Variants in CTNNA2 observed in about 807,000 individuals in gnomAD.
CTNNA2 encodes catenin alpha 2.
Under a neutral mutation model 101.0 loss-of-function variants are expected in CTNNA2, and 42 were observed. The ratio of observed to expected loss-of-function variants is 0.42; its 90% CI spans 0.32 to 0.54. The LOEUF (loss-of-function observed/expected upper bound fraction) is 0.54, where lower values mean the gene tolerates loss of function less well. CTNNA2 is among the 20% of genes least tolerant of loss of function. The pLI, the probability that CTNNA2 is intolerant of heterozygous loss-of-function variation, is 0.14. For synonymous variants in CTNNA2, 450 were observed against 456.4 expected (o/e 0.99, Z 0.18); for missense variants, 871 against 1,223.1 (o/e 0.71, Z 4.29).
chr2:80,201,129 T>C (rs1227200853), intron 7 of CTNNA2, among the ~76,000 whole-genome samples: 1 of 152,156 alleles, frequency 6.6e-6, no homozygotes, highest in Non-Finnish European at 1.5e-5. Flanking sequence ...GTAAATGCTA[T>C]GTTAATTGTT....
intron 6 of CTNNA2, among the ~76,000 whole-genome samples, chr2:79,877,902 C>T (rs1475760365): frequency 6.6e-6 from 1 of 152,050 alleles, no homozygotes; most frequent in Non-Finnish European, 1.5e-5. Context: ...GGTTTGTTAT[C>T]TAGGTTTACA....
intron 7 of CTNNA2, among the ~76,000 whole-genome samples, chr2:80,082,558 G>A (rs774284554): frequency 9.9e-5 from 15 of 152,022 alleles, no homozygotes; most frequent in East Asian, 1.9e-4. Context: ...GCATTTGGTC[G>A]GTGGGTGACT....
intron 7 of CTNNA2, among the ~76,000 whole-genome samples, chr2:80,040,948 A>C (rs1214978101): frequency 6.6e-6 from 1 of 152,218 alleles, no homozygotes; most frequent in Non-Finnish European, 1.5e-5. Context: ...TACTAATGGC[A>C]CAAGGAATTG....
chr2:79,434,886 C>A (rs1678697246), intron 4 of CTNNA2, among the ~76,000 whole-genome samples: 1 of 152,144 alleles, frequency 6.6e-6, no homozygotes, highest in South Asian at 2.1e-4. Context: ...TATCTTTCTT[C>A]CAGTCCTGCC....
At chr2:80,162,539 T>C in intron 7 of CTNNA2, 4 of 1,604,476 alleles carry the variant, frequency 2.5e-6, no homozygotes, top group African/African-American at 1.3e-5. Flanking sequence ...CCTATCTTCA[T>C]AGAAGAAATC....
chr2:79,213,893 T>G (rs988438709), intron 2 of CTNNA2, among the ~76,000 whole-genome samples: 4 of 152,164 alleles, frequency 2.6e-5, no homozygotes, highest in Non-Finnish European at 2.9e-5. Flanking sequence ...TTGTGATTTT[T>G]AGGGCCTCTA....
intron 9 of CTNNA2, among the ~76,000 whole-genome samples, chr2:80,443,573 A>T (rs1682793358): frequency 6.6e-6 from 1 of 152,186 alleles, no homozygotes; most frequent in South Asian, 2.1e-4. Flanking sequence ...TCGGTTGAGT[A>T]GTATAGTGTG....
At chr2:80,105,893 AAAG>A (rs1700857030) in intron 7 of CTNNA2, among the ~76,000 whole-genome samples, 1 of 152,176 alleles carries the variant, frequency 6.6e-6, no homozygotes, top group South Asian at 2.1e-4. Flanking sequence ...AGTGCAGGCA[AAAG>A]AAGATGGTCT....
chr2:79,636,544 C>T (rs1326703705), intron 1 of CTNNA2, among the ~76,000 whole-genome samples: 2 of 151,966 alleles, frequency 1.3e-5, no homozygotes, highest in African/African-American at 4.8e-5. Context: ...GAAACAACAA[C>T]ATTGCCAAAT....
chr2:79,868,290 A>G (rs1246130642), intron 4 of CTNNA2, among the ~76,000 whole-genome samples: 3 of 152,210 alleles, frequency 2.0e-5, no homozygotes, highest in Non-Finnish European at 4.4e-5. Context: ...CATAAACGTT[A>G]TGTGGCATCT....
intron 3 of CTNNA2, among the ~76,000 whole-genome samples, chr2:79,313,537 G>A (rs917359500): frequency 3.9e-5 from 6 of 152,130 alleles, no homozygotes; most frequent in Admixed American, 3.3e-4. Flanking sequence ...AAGTAGCAGA[G>A]CTGGAGTTCA....
intron 7 of CTNNA2, among the ~76,000 whole-genome samples, chr2:80,211,051 T>G (rs1303373529): frequency 6.6e-6 from 1 of 152,198 alleles, no homozygotes; most frequent in African/African-American, 2.4e-5. Context: ...TTGCCCACTT[T>G]TTGATGGGGT....
intron 1 of CTNNA2, among the ~76,000 whole-genome samples, chr2:79,606,755 C>G (rs1008135047): frequency 6.6e-6 from 1 of 152,072 alleles, no homozygotes; most frequent in African/African-American, 2.4e-5. Context: ...TAAAAACATA[C>G]TATAAATTTG....
intron 7 of CTNNA2, among the ~76,000 whole-genome samples, chr2:80,169,940 C>G (rs1166732830): frequency 6.6e-6 from 1 of 152,054 alleles, no homozygotes; most frequent in African/African-American, 2.4e-5. Context: ...TCAGAGTTAG[C>G]AATACCTACC....
At chr2:79,854,605 C>A (rs2103928594) in intron 3 of CTNNA2, among the ~76,000 whole-genome samples, 1 of 152,254 alleles carries the variant, frequency 6.6e-6, no homozygotes, top group African/African-American at 2.4e-5. Flanking sequence ...TATAATAAGC[C>A]TTTATATAGA....
intron 9 of CTNNA2, among the ~76,000 whole-genome samples, chr2:80,440,628 T>C (rs959466408): frequency 4.2e-5 from 6 of 142,948 alleles, no homozygotes; most frequent in Admixed American, 2.0e-4. Flanking sequence ...CTGGATAAAG[T>C]TGATGAAGGA....
At chr2:79,252,653 C>CT (rs111758773) in intron 2 of CTNNA2, among the ~76,000 whole-genome samples, 1,651 of 150,680 alleles carry the variant, frequency 0.011, 11 homozygotes, top group Admixed American at 0.018. Flanking sequence ...TGGGCTATGC[C>CT]TTTTTTTTTA....
intron 1 of CTNNA2, among the ~76,000 whole-genome samples, chr2:79,190,962 G>A (rs1417566150): frequency 6.6e-6 from 1 of 152,058 alleles, no homozygotes; most frequent in African/African-American, 2.4e-5. Context: ...CTCTTTGTTA[G>A]TTCAGCTTTC....
intron 7 of CTNNA2, among the ~76,000 whole-genome samples, chr2:79,927,144 A>G (rs943017817): frequency 1.3e-5 from 2 of 152,248 alleles, no homozygotes; most frequent in Non-Finnish European, 2.9e-5. Flanking sequence ...ATAGAGAAAA[A>G]ATATGTTTGC....
Sources: gnomAD v4.1 joint callset for allele counts (sites outside exome capture counted in the v4.1 genomes callset) on GRCh38, gnomAD v4.1.1 for gene constraint, MANE v1.5 for transcripts, NCBI Gene and HGNC (gene_info 2026-07-23, HGNC 2026-07-21) for gene names.